MED12L: variants seen among roughly 807,000 people sequenced by gnomAD.
MED12L encodes mediator of RNA polymerase II transcription subunit 12-like protein.
In MED12L, 60 loss-of-function variants were observed where a neutral mutation model predicts 281.3. The ratio of observed to expected loss-of-function variants is 0.21; its 90% confidence interval spans 0.17 to 0.26. The LOEUF (loss-of-function observed/expected upper bound fraction) is 0.26. MED12L is among the 10% of genes least tolerant of loss of function. The pLI is 1.00. For synonymous variants in MED12L, 974 were observed against 987.2 expected (o/e 0.99, Z 0.25); for missense variants, 2,146 against 2,680.9 (o/e 0.80, Z 4.41).
In MED12L at chr3:151,093,207, G is replaced by T. The variant is rs554542486; in HGVS notation, c.99+6182G>T. Reference sequence around the variant, plus strand: ...CGGTCCCAGCTACTAGGGAGGTCAAGGTAGGAGGATCACTTGAGCCCAGGA... The same window carrying T: ...CGGTCCCAGCTACTAGGGAGGTCAATGTAGGAGGATCACTTGAGCCCAGGA... On this transcript the variant is annotated intron_variant, in intron 2 of 44. Coordinates refer to ENST00000687756, the MANE Select transcript of MED12L (RefSeq NM_001393769.1). Among the ~76,000 whole-genome samples the T allele has an allele frequency of 7.9e-5, 12 of 152,290 alleles. No individual in the cohort carries two copies. The South Asian group carries it at 2.5e-3, about 32-fold the overall frequency.
chr3:151,218,385 G>A (rs1728642462), intron 16 of MED12L, among the ~76,000 whole-genome samples: 1 of 152,184 alleles, frequency 6.6e-6, no homozygotes, highest in South Asian at 2.1e-4. Context: ...GCAGTCTGGT[G>A]AGCCAGTTTG....
At chr3:151,338,978 T>G (rs1751427458) in intron 16 of MED12L, 1 of 818,880 alleles carries the variant, frequency 1.2e-6, no homozygotes, top group African/African-American at 1.7e-5. Context: ...CTCATCTTCA[T>G]TGTAGTAGTT....
At chr3:151,213,196 T>C in intron 16 of MED12L, 1 of 878,370 alleles carries the variant, frequency 1.1e-6, no homozygotes, top group Non-Finnish European at 1.8e-6. Flanking sequence ...ATGGCAGTGC[T>C]AGAGATGATA....
intron 42 of MED12L, among the ~76,000 whole-genome samples, chr3:151,414,832 A>G (rs1717364956): frequency 6.6e-6 from 1 of 152,184 alleles, no homozygotes; most frequent in Non-Finnish European, 1.5e-5. Context: ...AAAGCTCTCT[A>G]ATCCTGTTTT....
At chr3:151,241,584 G>A (rs1734088055) in intron 16 of MED12L, among the ~76,000 whole-genome samples, 1 of 152,060 alleles carries the variant, frequency 6.6e-6, no homozygotes, top group South Asian at 2.1e-4. Flanking sequence ...GAATACATAT[G>A]CACACACACT....
At chr3:151,371,020 T>A (rs879849226) in intron 26 of MED12L, among the ~76,000 whole-genome samples, 1 of 152,212 alleles carries the variant, frequency 6.6e-6, no homozygotes, top group Non-Finnish European at 1.5e-5. Context: ...TCAAATGTAT[T>A]CTATTGTCAA....
At chr3:151,311,390 G>A (rs567575309) in intron 16 of MED12L, among the ~76,000 whole-genome samples, 158 of 152,020 alleles carry the variant, frequency 1.0e-3, no homozygotes, top group African/African-American at 3.4e-3. Context: ...GAATGTTTTA[G>A]GGTAAAGGGA....
chr3:151,218,616 C>A (rs1224647805), intron 16 of MED12L, among the ~76,000 whole-genome samples: 1 of 151,894 alleles, frequency 6.6e-6, no homozygotes, highest in Admixed American at 6.6e-5. Flanking sequence ...AGCCTGTAAT[C>A]CCAGCACTTT....
At chr3:151,305,158 T>G (rs768798335) in intron 16 of MED12L, among the ~76,000 whole-genome samples, 1 of 152,202 alleles carries the variant, frequency 6.6e-6, no homozygotes, top group Non-Finnish European at 1.5e-5. Context: ...TCCCAGCACT[T>G]GCAGGGTGTT....
chr3:151,333,652 C>T (rs1001964489), intron 16 of MED12L, among the ~76,000 whole-genome samples: 3 of 152,142 alleles, frequency 2.0e-5, no homozygotes, highest in Non-Finnish European at 4.4e-5. Context: ...TTTTTTCTAG[C>T]ATGTTTGTAG....
intron 16 of MED12L, chr3:151,337,140 T>TAA (rs948455786): frequency 1.3e-5 from 2 of 152,140 alleles, no homozygotes; most frequent in Admixed American, 6.6e-5. Context: ...TAGAATGTCA[T>TAA]AAAAGTAAGT....
At chr3:151,384,754 G>A in intron 35 of MED12L, 1 of 338,002 alleles carries the variant, frequency 3.0e-6, no homozygotes, top group Non-Finnish European at 5.3e-6. Context: ...TTCTGATTGT[G>A]ATCACTACCC....
intron 16 of MED12L, among the ~76,000 whole-genome samples, chr3:151,288,508 G>A (rs916202220): frequency 2.6e-5 from 4 of 152,144 alleles, no homozygotes; most frequent in African/African-American, 7.2e-5. Context: ...ACAAATATTT[G>A]TATCTGTTAA....
intron 16 of MED12L, among the ~76,000 whole-genome samples, chr3:151,268,202 T>C (rs1390484934): frequency 6.6e-6 from 1 of 152,106 alleles, no homozygotes; most frequent in East Asian, 1.9e-4. Flanking sequence ...TGCCAGTGTT[T>C]TAGGGTATAG....
chr3:151,110,986 CTG>C lies in MED12L; in HGVS notation c.100-5350_100-5349del, dbSNP rs1260533436. Among the ~76,000 whole-genome samples the C allele has an allele frequency of 3.9e-5, 6 of 152,330 alleles. No individual in the cohort carries two copies. In the East Asian group the frequency reaches 1.2e-3, roughly 29 times the overall value. ...TCAACTCTTCATGTTAGCATGGTCT[CTG>C]TATCAGCATCACCTGGGAAGTTGTT... On this transcript the variant is annotated intron_variant, in intron 2 of 44. Coordinates refer to ENST00000687756, the MANE Select transcript of MED12L (RefSeq NM_001393769.1).
chr3:151,087,712 A>T (rs1576696031), intron 2 of MED12L, among the ~76,000 whole-genome samples: 1 of 152,186 alleles, frequency 6.6e-6, no homozygotes. Flanking sequence ...TTTGAATGAG[A>T]TTAATTGGAG....
At chr3:151,294,815 A>G (rs1744850644) in intron 16 of MED12L, 2 of 1,614,026 alleles carry the variant, frequency 1.2e-6, no homozygotes, top group Non-Finnish European at 1.7e-6. Flanking sequence ...AAATGGCTTG[A>G]CCACCTTCAG....
intron 16 of MED12L, among the ~76,000 whole-genome samples, chr3:151,196,784 C>T (rs907440373): frequency 1.3e-5 from 2 of 152,190 alleles, no homozygotes; most frequent in African/African-American, 2.4e-5. Flanking sequence ...TGCATTTTCT[C>T]ATTTATTATT....
At chr3:151,303,601 A>G (rs1325789340) in intron 16 of MED12L, among the ~76,000 whole-genome samples, 3 of 152,118 alleles carry the variant, frequency 2.0e-5, no homozygotes, top group Non-Finnish European at 4.4e-5. Context: ...CATCTCTACT[A>G]AAAATACAAC....
Sources: gnomAD v4.1 joint callset for allele counts (sites outside exome capture counted in the v4.1 genomes callset) on GRCh38, gnomAD v4.1.1 for gene constraint, MANE v1.5 for transcripts, NCBI Gene and HGNC (gene_info 2026-07-23, HGNC 2026-07-21) for gene names.